Variants in ZNF215 observed in about 807,000 individuals in gnomAD.
ZNF215 encodes the protein BWSCR2-associated zinc finger protein 2.
In ZNF215, 24 loss-of-function variants were observed where a neutral mutation model predicts 27.2. The observed-to-expected ratio is 0.88, with a 90% CI of 0.64 to 1.24. The LOEUF (loss-of-function observed/expected upper bound fraction) is 1.24, where lower values mean the gene tolerates loss of function less well. Among genes scored for constraint, ZNF215 ranks in the 50% most tolerant of loss-of-function variants. The pLI is 0.00. For synonymous variants in ZNF215, 210 were observed against 204.0 expected, an observed-to-expected ratio of 1.03 and a Z score of -0.25; for missense variants, 675 against 605.7, an observed-to-expected ratio of 1.11 and a Z score of -1.20.
In ZNF215 at chr11:6,980,808, G is replaced by A. The variant is rs974759051; in HGVS notation, c.806-3321G>A. Among the ~76,000 whole-genome samples the A allele has an allele frequency of 1.1e-3, 151 of 134,118 alleles. 1 individual carries two copies. The highest frequency in any genetic ancestry group is 1.4e-3 in the Non-Finnish European group (89 of 65,664). 88.0% of individuals were successfully genotyped at this position (134,118 alleles called of 152,430 possible). ...CAGAGTGTGATGTTCCCCTTCCTGT[G>A]TCCATGTGTTCTCATTGTTCATTTC... On this transcript the variant is annotated intron_variant, in intron 5 of 5. Coordinates refer to the ZNF215 transcript ENST00000529903.
intron 2 of ZNF215, among the ~76,000 whole-genome samples, chr11:6,931,333 C>G (rs774728436): frequency 6.6e-6 from 1 of 152,140 alleles, no homozygotes; most frequent in Non-Finnish European, 1.5e-5. Flanking sequence ...GTTTCCTACA[C>G]CACGTTTATG....
At chr11:6,967,217 G>A (rs1240793854) in intron 5 of ZNF215, among the ~76,000 whole-genome samples, 1 of 152,114 alleles carries the variant, frequency 6.6e-6, no homozygotes, top group Non-Finnish European at 1.5e-5. Flanking sequence ...TCATTGATGG[G>A]CATTTGGGTT....
chr11:6,945,066 T>A (rs995740368), intron 6 of ZNF215, among the ~76,000 whole-genome samples: 1 of 152,194 alleles, frequency 6.6e-6, no homozygotes, highest in East Asian at 1.9e-4. Flanking sequence ...TTGTCTTACA[T>A]TATGCTAAAT....
At chr11:6,933,208 A>C (rs1338454009) in intron 3 of ZNF215, among the ~76,000 whole-genome samples, 1 of 152,226 alleles carries the variant, frequency 6.6e-6, no homozygotes, top group African/African-American at 2.4e-5. Context: ...GAGCTTTGGG[A>C]AAGCAGGAGT....
chr11:6,960,988 A>G (rs1429918667), downstream of ZNF215, among the ~76,000 whole-genome samples: 1 of 152,154 alleles, frequency 6.6e-6, no homozygotes, highest in Non-Finnish European at 1.5e-5. Flanking sequence ...TTAATTAGCC[A>G]ACTTACCAGA....
Position 6,943,359 on chromosome 11 carries a change from C to G in ZNF215, c.616+144C>G, listed in dbSNP as rs959571898. 27 of 1,320,212 alleles carry G rather than the reference C, an allele frequency of 2.0e-5. 1 individual carries two copies. In the South Asian group the frequency reaches 3.7e-4, roughly 18 times the overall value. 81.8% of individuals were successfully genotyped at this position (1,320,212 alleles called of 1,614,324 possible). A position where few individuals can be genotyped will look rare whatever the true frequency, so the allele number is the denominator to read the frequency against. On this transcript the variant is annotated intron_variant, in intron 5 of 6. Transcript: ENST00000278319. ...TCCTTTGGACACAGTAGCAGATTTTCTGACTCATCTGGATGAAAGTCCTTT... is the reference window on the plus strand; with the variant it reads ...TCCTTTGGACACAGTAGCAGATTTTGTGACTCATCTGGATGAAAGTCCTTT...
intron 5 of ZNF215, among the ~76,000 whole-genome samples, chr11:6,971,348 G>T (rs1000565827): frequency 1.3e-4 from 20 of 152,094 alleles, no homozygotes; most frequent in South Asian, 2.1e-4. Context: ...CTTCCTCCAT[G>T]GCAGAGTTGT....
At chr11:6,982,195 G>T (rs1232522520) in intron 5 of ZNF215, among the ~76,000 whole-genome samples, 4 of 151,840 alleles carry the variant, frequency 2.6e-5, no homozygotes, top group Non-Finnish European at 5.9e-5. Context: ...TAAATTACCC[G>T]GGGCAGTATG....
At chr11:6,929,575 T>C (rs1173681756) in intron 2 of ZNF215, among the ~76,000 whole-genome samples, 5 of 152,180 alleles carry the variant, frequency 3.3e-5, no homozygotes, top group African/African-American at 1.2e-4. Context: ...TGGAGAACCA[T>C]CTGTTGGAAT....
chr11:6,967,494 C>T (rs1461931907), intron 5 of ZNF215, among the ~76,000 whole-genome samples: 1 of 152,180 alleles, frequency 6.6e-6, no homozygotes, highest in Non-Finnish European at 1.5e-5. Context: ...TAATGATTGC[C>T]ATTCTAACTG....
chr11:6,949,594 G>A (rs1444961220), intron 6 of ZNF215, among the ~76,000 whole-genome samples: 2 of 152,010 alleles, frequency 1.3e-5, no homozygotes, highest in Admixed American at 1.3e-4. Flanking sequence ...TTTTTTTCTT[G>A]TAAATTTATT....
chr11:6,958,015 T>G lies in ZNF215; in HGVS notation c.*1484T>G, dbSNP rs948004075. 1 of 985,308 alleles carries G rather than the reference T, an allele frequency of 1.0e-6. No homozygotes were observed. The highest frequency in any genetic ancestry group is 1.2e-6 in the Non-Finnish European group (1 of 829,942). 61.0% of individuals were successfully genotyped at this position (985,308 alleles called of 1,614,324 possible). A position where few individuals can be genotyped will look rare whatever the true frequency, so the allele number is the denominator to read the frequency against. On this transcript the variant is annotated 3_prime_UTR_variant, in exon 7 of 7. Coordinates refer to ENST00000278319, the MANE Select transcript of ZNF215 (RefSeq NM_013250.4). ...CAAAGGCAGAAAAGGTATACTGGAG[T>G]GAACTCCTATGATTAAATAATGTCA...
At chr11:6,945,350 T>C (rs1849782020) in intron 6 of ZNF215, among the ~76,000 whole-genome samples, 1 of 152,202 alleles carries the variant, frequency 6.6e-6, no homozygotes, top group Non-Finnish European at 1.5e-5. Flanking sequence ...TCGTTACTGA[T>C]TTTTAAAAGT....
At chr11:6,977,403 A>G (rs1028518607) in intron 5 of ZNF215, among the ~76,000 whole-genome samples, 1 of 152,046 alleles carries the variant, frequency 6.6e-6, no homozygotes, top group Admixed American at 6.6e-5. Context: ...TTTTTAAAAT[A>G]TAGATGTATA....
downstream of ZNF215, among the ~76,000 whole-genome samples, chr11:6,991,541 G>A (rs984177287): frequency 1.3e-5 from 2 of 152,154 alleles, no homozygotes; most frequent in Non-Finnish European, 2.9e-5. Context: ...CTACACACCC[G>A]CAACTGCTTT....
intron 5 of ZNF215, among the ~76,000 whole-genome samples, chr11:6,974,794 T>C (rs1470836309): frequency 6.6e-6 from 1 of 152,128 alleles, no homozygotes; most frequent in Non-Finnish European, 1.5e-5. Flanking sequence ...GATTTTGGGC[T>C]GAGACGATGG....
chr11:6,954,360 A>C (rs556440539), intron 6 of ZNF215, among the ~76,000 whole-genome samples: 3 of 152,248 alleles, frequency 2.0e-5, no homozygotes, highest in Non-Finnish European at 2.9e-5. Context: ...CAGAGGCACG[A>C]AGGCCTCCTT....
rs184955916 is a variant in ZNF215, at chr11:6,951,371, T to C, written c.713-4319T>C. On this transcript the variant is annotated intron_variant, in intron 6 of 6. Transcript: ENST00000278319. ...GTGAATCCATCTGGTCCTGGACTCTTTTTGGTTGGTAAGCTATTGATTGTT... is the reference window on the plus strand; with the variant it reads ...GTGAATCCATCTGGTCCTGGACTCTCTTTGGTTGGTAAGCTATTGATTGTT... Among the ~76,000 whole-genome samples the C allele has an allele frequency of 3.7e-4, 57 of 152,304 alleles. No individual in the cohort carries two copies. In the East Asian group the frequency reaches 0.011, roughly 28 times the overall value.
At chr11:6,942,452 C>G (rs960612171) in intron 4 of ZNF215, among the ~76,000 whole-genome samples, 2 of 152,146 alleles carry the variant, frequency 1.3e-5, no homozygotes, top group African/African-American at 4.8e-5. Context: ...GTGAAGATCA[C>G]ATTCTAGTAG....
Sources: gnomAD v4.1 joint callset for allele counts (sites outside exome capture counted in the v4.1 genomes callset) on GRCh38, gnomAD v4.1.1 for gene constraint, MANE v1.5 for transcripts, NCBI Gene and HGNC (gene_info 2026-07-23, HGNC 2026-07-21) for gene names.